The following SHISA9 variants were observed in gnomAD, a reference collection of about 807,000 sequenced individuals.
The protein encoded by SHISA9 is shisa family member 9.
SHISA9 carries 13 observed loss-of-function variants against 38.0 expected under a neutral mutation model. The ratio of observed to expected loss-of-function variants is 0.34; its 90% CI spans 0.22 to 0.54. The LOEUF (loss-of-function observed/expected upper bound fraction) is 0.54, where lower values mean the gene tolerates loss of function less well. Among genes scored for constraint, SHISA9 ranks in the 20% least tolerant of loss-of-function variants. The pLI is 0.91. For missense variants in SHISA9, 538 were observed against 575.8 expected, an observed-to-expected ratio of 0.93 and a Z score of 0.67; for synonymous variants, 275 against 242.0, an observed-to-expected ratio of 1.14 and a Z score of -1.27.
chr16:13,334,230 C>A, the SHISA9 span, among the ~76,000 whole-genome samples: 61 of 152,328 alleles, frequency 4.0e-4, 1 homozygote, highest in Middle Eastern at 6.8e-3. Flanking sequence ...TTTCACATTG[C>A]TACCACTTCT....
At chr16:13,029,218 C>A (rs1430670853) in intron 2 of SHISA9, among the ~76,000 whole-genome samples, 3 of 152,124 alleles carry the variant, frequency 2.0e-5, no homozygotes. Context: ...TCACAATAGC[C>A]AGATTTGGAA....
At chr16:13,528,199 C>T in the SHISA9 span, among the ~76,000 whole-genome samples, 7 of 152,062 alleles carry the variant, frequency 4.6e-5, no homozygotes, top group African/African-American at 1.4e-4. Context: ...ATCATAGACC[C>T]GAGCATGAAT....
At chr16:13,386,067 T>A in the SHISA9 span, among the ~76,000 whole-genome samples, 33 of 152,304 alleles carry the variant, frequency 2.2e-4, no homozygotes, top group Non-Finnish European at 4.1e-4. Flanking sequence ...ACTGTGACGG[T>A]GCCCATGGAT....
chr16:13,118,676 A>C (rs1258999085), intron 2 of SHISA9, among the ~76,000 whole-genome samples: 1 of 151,512 alleles, frequency 6.6e-6, no homozygotes, highest in Non-Finnish European at 1.5e-5. Flanking sequence ...GCAAGGCCTT[A>C]GTACACTAAA....
chr16:13,452,907 T>C, the SHISA9 span, among the ~76,000 whole-genome samples: 1 of 151,554 alleles, frequency 6.6e-6, no homozygotes, highest in African/African-American at 2.4e-5. Flanking sequence ...ATTGTATAGC[T>C]TTTCTTTTCT....
chr16:12,923,692 T>G (rs1255585156), intron 2 of SHISA9, among the ~76,000 whole-genome samples: 2 of 151,818 alleles, frequency 1.3e-5, no homozygotes, highest in East Asian at 1.9e-4. Context: ...TAGAGGAAAA[T>G]TAGCTGGGCG....
the SHISA9 span, among the ~76,000 whole-genome samples, chr16:13,536,791 G>T: frequency 6.6e-6 from 1 of 152,336 alleles, no homozygotes; most frequent in East Asian, 1.9e-4. Flanking sequence ...GGCATAGTCA[G>T]ATAATAAAAG....
At chr16:13,172,806 G>A (rs1053641153) in intron 2 of SHISA9, among the ~76,000 whole-genome samples, 1 of 150,882 alleles carries the variant, frequency 6.6e-6, no homozygotes, top group African/African-American at 2.4e-5. Context: ...CGAGAGAGGA[G>A]GCGGGATTGT....
the SHISA9 span, among the ~76,000 whole-genome samples, chr16:13,472,293 C>A: frequency 6.6e-6 from 1 of 151,676 alleles, no homozygotes; most frequent in Admixed American, 6.6e-5. Flanking sequence ...TCTCCTCTGT[C>A]CCCTCATTTG....
At chr16:12,974,525 GC>G (rs2072130453) in intron 2 of SHISA9, among the ~76,000 whole-genome samples, 1 of 115,532 alleles carries the variant, frequency 8.7e-6, no homozygotes, top group South Asian at 2.9e-4. Flanking sequence ...TCGCTCTGTC[GC>G]CCAGGCTGGA....
chr16:13,019,869 TC>T (rs1567183982), intron 2 of SHISA9, among the ~76,000 whole-genome samples: 19 of 32,656 alleles, frequency 5.8e-4, no homozygotes, highest in African/African-American at 1.2e-3. Flanking sequence ...CCTCCCTCCC[TC>T]CCTCCCTCCC....
chr16:13,507,138 G>A, the SHISA9 span, among the ~76,000 whole-genome samples: 1 of 151,934 alleles, frequency 6.6e-6, no homozygotes, highest in Non-Finnish European at 1.5e-5. Context: ...TCAGGCAAGA[G>A]TAACTTTGGC....
chr16:13,562,456 C>T, the SHISA9 span, among the ~76,000 whole-genome samples: 1 of 151,852 alleles, frequency 6.6e-6, no homozygotes, highest in African/African-American at 2.4e-5. Context: ...ACGGTGAAAC[C>T]CCATCTCTAC....
In SHISA9 at chr16:13,103,847, T is replaced by C. The variant is rs141412445; in HGVS notation, c.692-99547T>C. Among the ~76,000 whole-genome samples the C allele has an allele frequency of 7.2e-5, 11 of 152,326 alleles. No homozygotes were observed. In the East Asian group the frequency reaches 2.1e-3, roughly 29 times the overall value. On this transcript the variant is annotated intron_variant, in intron 2 of 4. Coordinates refer to ENST00000558583, the MANE Select transcript of SHISA9 (RefSeq NM_001145204.3). Reference sequence around the variant, plus strand: ...CCATGGGCCACCATGTCATAGGCTTTGTGTCCAGATGCTTACGAAGGTGCT... The same window carrying C: ...CCATGGGCCACCATGTCATAGGCTTCGTGTCCAGATGCTTACGAAGGTGCT...
chr16:12,910,580 A>G (rs1206248517), intron 1 of SHISA9: 6 of 985,280 alleles, frequency 6.1e-6, no homozygotes, highest in Non-Finnish European at 7.2e-6. Flanking sequence ...TGAAATTTTC[A>G]ATATTCAGTC....
rs2051423898 is a variant in SHISA9 at position 13,240,247 on chromosome 16, A to G, written c.*4838A>G. 1 of 152,164 alleles carries G rather than the reference A, an allele frequency of 6.6e-6. No individual in the cohort carries two copies. The highest frequency in any genetic ancestry group is 2.1e-4 in the South Asian group (1 of 4,828). 9.4% of individuals were successfully genotyped at this position (152,164 alleles called of 1,614,324 possible). On this transcript the variant is annotated 3_prime_UTR_variant, in exon 5 of 5. Coordinates refer to ENST00000558583, the MANE Select transcript of SHISA9 (RefSeq NM_001145204.3). ...TAGTAACCGTATGTTCTGCAAGTAA[A>G]CCTGTGTTAATACTTGTCAACAACT...
At chr16:13,459,184 T>C in the SHISA9 span, among the ~76,000 whole-genome samples, 11,923 of 152,198 alleles carry the variant, frequency 0.078, 588 homozygotes, top group South Asian at 0.19. Flanking sequence ...AAAAAAATTA[T>C]TGAAACTCCA....
chr16:13,414,620 GTTCTTTCTTTCTTTC>G, the SHISA9 span, among the ~76,000 whole-genome samples: 4 of 143,694 alleles, frequency 2.8e-5, no homozygotes, highest in African/African-American at 1.0e-4. Flanking sequence ...ATGTTCGTTC[GTTCTTTCTTTCTTTC>G]TTCTTTCTTT....
intron 2 of SHISA9, among the ~76,000 whole-genome samples, chr16:12,978,776 C>T (rs924755568): frequency 2.6e-5 from 4 of 152,188 alleles, no homozygotes; most frequent in South Asian, 2.1e-4. Flanking sequence ...GTAACAGAAC[C>T]GCTTCCTTAA....
Sources: gnomAD v4.1 joint callset for allele counts (sites outside exome capture counted in the v4.1 genomes callset) on GRCh38, gnomAD v4.1.1 for gene constraint, MANE v1.5 for transcripts, NCBI Gene and HGNC (gene_info 2026-07-23, HGNC 2026-07-21) for gene names.